Variants in MCF2L observed in about 807,000 individuals in gnomAD.
MCF2L encodes the protein MCF.2 cell line derived transforming sequence like.
A neutral mutation model predicts 153.4 loss-of-function variants in MCF2L; 97 were observed. The observed-to-expected ratio is 0.63, with a 90% CI of 0.54 to 0.75. MCF2L has a LOEUF of 0.75. Ranked by LOEUF, MCF2L falls within the 30% of genes least tolerant of loss-of-function variation. MCF2L has a pLI of 0.00. For missense variants in MCF2L, 1,347 were observed against 1,495.2 expected (o/e 0.90, Z 1.64); for synonymous variants, 659 against 632.2 (o/e 1.04, Z -0.64).
Position 113,053,829 on chromosome 13 carries a change from A to T in MCF2L, c.370-6764A>T, listed in dbSNP as rs899731956. Among the ~76,000 whole-genome samples, 2 of 152,188 alleles carry T rather than the reference A, an allele frequency of 1.3e-5. No individual in the cohort carries two copies. Among genetic ancestry groups the T allele is most frequent in the African/African-American group, 4.8e-5 (2 of 41,452 alleles). On this transcript the variant is annotated intron_variant, in intron 4 of 29. Coordinates refer to ENST00000535094, the MANE Select transcript of MCF2L (RefSeq NM_001112732.3). The surrounding 1 kb of genome is among the most constrained non-coding windows in gnomAD (Gnocchi z 4.4). The stretch of plus-strand genomic sequence containing the variant: ...TCTTGCCTGTACTCTCCGCCTCTGC[A>T]GAGTGAGGTTTTCACTGATTGCAAA...
At chr13:113,094,126 G>A (rs2035450686) in intron 26 of MCF2L, 1 of 158,820 alleles carries the variant, frequency 6.3e-6, no homozygotes, top group East Asian at 1.8e-4. Context: ...GGCTCGGTCT[G>A]CTAGGTGTTG....
intron 1 of MCF2L, among the ~76,000 whole-genome samples, chr13:112,987,148 G>A (rs983142230): frequency 6.6e-6 from 1 of 152,132 alleles, no homozygotes; most frequent in Non-Finnish European, 1.5e-5. Context: ...TCCTTCACCC[G>A]GCTGCAGGGC....
At chr13:113,020,874 G>A (rs1479859137) in intron 2 of MCF2L, among the ~76,000 whole-genome samples, 1 of 99,828 alleles carries the variant, frequency 1.0e-5, no homozygotes, top group African/African-American at 4.3e-5. Context: ...GTATATGTGT[G>A]TATGTGTAGA....
At position 113,052,170 on chromosome 13, in the gene MCF2L, C is replaced by T. The variant is rs545272210; in HGVS notation, c.369+6809C>T. Among the ~76,000 whole-genome samples the T allele has an allele frequency of 9.2e-5, 14 of 152,228 alleles. No homozygotes were observed. In the South Asian group the frequency reaches 2.7e-3, roughly 29 times the overall value. On this transcript the variant is annotated intron_variant, in intron 4 of 29. Transcript: ENST00000535094. ...TATAGCAAAACATCACTGGGTGCCC[C>T]GTAAGTAGATACAATCATGATTTGT...
At position 113,066,112 on chromosome 13, in the gene MCF2L, G is replaced by A; in HGVS notation, c.823G>A (p.Glu275Lys). ...GGAGAGCCTCAGGGAGCTGCAGGCT[G>A]AGGGCTCAGAGCCCAGTGTGAACCA... ...VLESLRELQA[E>K]GSEPSVNQDQ... The change falls in exon 8 of 30, where the codon GAG becomes AAG. Residue 275 changes from glutamate to lysine, a missense_variant. By Grantham distance (56) the Glu-to-Lys change is moderately conservative. This residue lies in a region of MCF2L where 820 missense variants were observed against 921.2 expected (regional missense o/e 0.89). Coordinates refer to ENST00000535094, the MANE Select transcript of MCF2L (RefSeq NM_001112732.3). 1.9e-6 allele frequency: 3 copies of A among 1,613,316 alleles called. No homozygotes were observed. The highest frequency in any genetic ancestry group is 1.7e-6 in the Non-Finnish European group (2 of 1,179,956).
In MCF2L at chr13:113,095,653, C is replaced by T. The variant is rs1456917571; in HGVS notation, c.3076-718C>T. ...TGGCCCAGTCACCGTCCTCCTGCTCCAGGCCATCACGTGAGGGCAGGTGGC... is the reference window on the plus strand; with the variant it reads ...TGGCCCAGTCACCGTCCTCCTGCTCTAGGCCATCACGTGAGGGCAGGTGGC... On this transcript the variant is annotated intron_variant, in intron 27 of 29. Transcript: ENST00000535094. 4 of 993,250 alleles carry T rather than the reference C, an allele frequency of 4.0e-6. No individual in the cohort carries two copies. In the African/African-American group the frequency reaches 5.2e-5, roughly 13 times the overall value. 61.5% of individuals were successfully genotyped at this position (993,250 alleles called of 1,614,324 possible).
At chr13:113,002,892 G>A (rs533786843) in intron 1 of MCF2L, among the ~76,000 whole-genome samples, 6 of 152,180 alleles carry the variant, frequency 3.9e-5, no homozygotes, top group African/African-American at 1.4e-4. Flanking sequence ...GAACTGGCTG[G>A]GTACAGCAGT....
chr13:113,087,468 C>T lies in MCF2L; in HGVS notation c.2595+12C>T, dbSNP rs367547824. 21 of 1,585,110 alleles carry T rather than the reference C, an allele frequency of 1.3e-5. No homozygotes were observed. The East Asian group carries it at 1.4e-4, about 10-fold the overall frequency. On this transcript the variant is annotated intron_variant, in intron 22 of 29. Coordinates refer to ENST00000535094, the MANE Select transcript of MCF2L (RefSeq NM_001112732.3). Reference sequence around the variant, plus strand: ...AGCAGTCCTTAAACGTAAGTGAGGCCGGGTCTGCAGCAGCACGCTCCTGGC... The same window carrying T: ...AGCAGTCCTTAAACGTAAGTGAGGCTGGGTCTGCAGCAGCACGCTCCTGGC...
chr13:113,090,892 G>A lies in MCF2L; in HGVS notation c.2953+1164G>A, dbSNP rs543660429. On this transcript the variant is annotated intron_variant, in intron 26 of 29. Transcript: ENST00000535094. Reference sequence around the variant, plus strand: ...CCCTAGAGACGGGCCCCGAAAGGACGCCTCTGAGTGCCGCAGCCCCCACTC... The same window carrying A: ...CCCTAGAGACGGGCCCCGAAAGGACACCTCTGAGTGCCGCAGCCCCCACTC... 26 of 1,164,026 alleles carry A rather than the reference G, an allele frequency of 2.2e-5. No individual in the cohort carries two copies. In the South Asian group the frequency reaches 3.4e-4, roughly 15 times the overall value. 72.1% of individuals were successfully genotyped at this position (1,164,026 alleles called of 1,614,324 possible).
rs1555347660 is a variant in MCF2L, at chr13:112,896,463, CCT to C, written c.-5+2033_-5+2034del. Among the ~76,000 whole-genome samples the C allele has an allele frequency of 5.9e-5, 9 of 152,122 alleles. 1 individual carries two copies. The highest frequency in any genetic ancestry group is 1.5e-4 in the African/African-American group (6 of 41,372). On this transcript the variant is annotated intron_variant, in intron 1 of 29. Coordinates refer to the MCF2L transcript ENST00000375608. ...AGGTCACTTCAGAAGAGAGGCCCCC[CCT>C]GTCTTTACAGCCATGTAATTTGCAT... is the stretch of plus-strand genomic sequence containing the variant.
rs774607996 is a variant in MCF2L, at chr13:112,945,162, G to T, written c.169+42791G>T. On this transcript the variant is annotated intron_variant, in intron 2 of 29. Transcript: ENST00000375608. ...ATACAGAATGTTCCATTGCCTTTTTGATTTTAAAAAGTGTTTATCACACAG... is the reference window on the plus strand; with the variant it reads ...ATACAGAATGTTCCATTGCCTTTTTTATTTTAAAAAGTGTTTATCACACAG... 1.2e-3 allele frequency among the ~76,000 whole-genome samples: 176 copies of T among 152,126 alleles called. 2 individuals carry two copies. The highest frequency in any genetic ancestry group is 6.2e-4 in the South Asian group (3 of 4,818).
chr13:112,982,892 G>A (rs765715110), intron 1 of MCF2L, among the ~76,000 whole-genome samples: 1 of 152,148 alleles, frequency 6.6e-6, no homozygotes, highest in East Asian at 1.9e-4. Context: ...AGCTTGAGGG[G>A]CGCCGAGGTG....
rs74115711 is a variant in MCF2L, at chr13:112,902,430, T to C, written c.169+59T>C. 5.9e-3 allele frequency: 8,900 copies of C among 1,520,144 alleles called. 435 individuals carry two copies. In the African/African-American group the frequency reaches 0.11, roughly 18 times the overall value. 94.2% of individuals were successfully genotyped at this position (1,520,144 alleles called of 1,614,324 possible). Reference sequence around the variant, plus strand: ...TGCAGGTCTCACTGCTGATCAGACCTGTGCTGTTCTTTGCTATTCCGGTCC... The same window carrying C: ...TGCAGGTCTCACTGCTGATCAGACCCGTGCTGTTCTTTGCTATTCCGGTCC... On this transcript the variant is annotated intron_variant, in intron 2 of 29. Transcript: ENST00000375608.
intron 2 of MCF2L, among the ~76,000 whole-genome samples, chr13:112,903,409 G>C (rs1407456492): frequency 6.6e-6 from 1 of 152,172 alleles, no homozygotes; most frequent in Non-Finnish European, 1.5e-5. Flanking sequence ...TGGTGCCCAG[G>C]AATTCCCTCC....
In MCF2L at chr13:113,024,704, A is replaced by G; in HGVS notation, c.224A>G (p.Glu75Gly). ...TTCCCTGACTACCCGGCCTTCAGCGAGATTCCGGACAAGGAGTTCCAGAAT... is the reference window on the plus strand; with the variant it reads ...TTCCCTGACTACCCGGCCTTCAGCGGGATTCCGGACAAGGAGTTCCAGAAT... ...ITFPDYPAFS[E>G]IPDKEFQNVM... The change falls in exon 3 of 30, where the codon GAG becomes GGG. Residue 75 changes from glutamate to glycine, a missense_variant. Physicochemically the swap from Glu to Gly is moderately conservative, Grantham distance 98. Around this residue, in one of 3 missense-constraint regions of MCF2L, gnomAD observed 820 missense variants for 921.2 expected, o/e 0.89. Coordinates refer to ENST00000535094, the MANE Select transcript of MCF2L (RefSeq NM_001112732.3). 1 of 1,614,228 alleles carries G rather than the reference A, an allele frequency of 6.2e-7. No homozygotes were observed. The highest frequency in any genetic ancestry group is 8.5e-7 in the Non-Finnish European group (1 of 1,180,046).
At chr13:113,022,148 T>A (rs998803799) in intron 2 of MCF2L, among the ~76,000 whole-genome samples, 21 of 152,096 alleles carry the variant, frequency 1.4e-4, no homozygotes, top group African/African-American at 4.6e-4. Context: ...AGCTCCCAGA[T>A]GCCACCTCCA....
At chr13:113,078,275 C>G in intron 13 of MCF2L, 88 bp from the exon 14 acceptor site, 4 of 1,085,734 alleles carry the variant, frequency 3.7e-6, no homozygotes, top group Non-Finnish European at 5.6e-6. Flanking sequence ...GTCCTACCCT[C>G]TCCTCGGGGC....
chr13:113,016,606 C>G (rs2084530216), intron 2 of MCF2L, among the ~76,000 whole-genome samples: 1 of 151,038 alleles, frequency 6.6e-6, no homozygotes, highest in African/African-American at 2.4e-5. Flanking sequence ...CCCTGTGGTA[C>G]TGCTGCCCCC....
chr13:112,908,346 A>G (rs1223447728), intron 2 of MCF2L, among the ~76,000 whole-genome samples: 1 of 152,182 alleles, frequency 6.6e-6, no homozygotes, highest in Non-Finnish European at 1.5e-5. Context: ...GACTGTTCTG[A>G]ATGGAATTGG....
Sources: gnomAD v4.1 joint callset for allele counts (sites outside exome capture counted in the v4.1 genomes callset) on GRCh38, gnomAD v4.1.1 for gene constraint, gnomAD v4.1.1 regional missense constraint, Gnocchi (gnomAD v3.1) non-coding constraint, MANE v1.5 for transcripts, NCBI Gene and HGNC (gene_info 2026-07-23, HGNC 2026-07-21) for gene names.